Variants in STX12 observed in about 807,000 individuals in gnomAD.
STX12 encodes the protein syntaxin 12, also known as syntaxin-12.
A neutral mutation model predicts 42.2 loss-of-function variants in STX12; 17 were observed. The observed-to-expected ratio is 0.40, with a 90% CI of 0.28 to 0.60. The LOEUF (loss-of-function observed/expected upper bound fraction) is 0.60, where lower values mean the gene tolerates loss of function less well. STX12 is among the 20% of genes least tolerant of loss of function. STX12 has a pLI of 0.39. For synonymous variants in STX12, 108 were observed against 116.7 expected, an observed-to-expected ratio of 0.93 and a Z score of 0.48; for missense variants, 297 against 330.9, an observed-to-expected ratio of 0.90 and a Z score of 0.79.
chr1:27,775,782 A>G (rs1471484184), intron 1 of STX12, among the ~76,000 whole-genome samples: 3 of 152,186 alleles, frequency 2.0e-5, no homozygotes, highest in African/African-American at 4.8e-5. Context: ...TGGAAAGAGG[A>G]TGGAAAGATT....
At chr1:27,795,406 A>G (rs990497654) in intron 3 of STX12, among the ~76,000 whole-genome samples, 3 of 151,900 alleles carry the variant, frequency 2.0e-5, no homozygotes, top group Non-Finnish European at 4.4e-5. Context: ...CCCAGGTTCA[A>G]GCGATTCTCC....
chr1:27,811,956 A>T (rs1177595198), intron 5 of STX12: 1 of 641,072 alleles, frequency 1.6e-6, no homozygotes, highest in Admixed American at 2.1e-5. Context: ...AGCTTTGCCC[A>T]TGGAAGCTGA....
At chr1:27,778,699 GAAA>G (rs374294160) in intron 1 of STX12, among the ~76,000 whole-genome samples, 2 of 119,778 alleles carry the variant, frequency 1.7e-5, no homozygotes, top group Non-Finnish European at 1.8e-5. Flanking sequence ...TCCATCTCAG[GAAA>G]AAAAAAAAAA....
At chr1:27,786,131 A>G (rs1451898862) in intron 1 of STX12, among the ~76,000 whole-genome samples, 1 of 152,140 alleles carries the variant, frequency 6.6e-6, no homozygotes, top group African/African-American at 2.4e-5. Flanking sequence ...TTCCCACTTC[A>G]TTAAAATTCA....
Position 27,781,328 on chromosome 1 carries a change from G to A in STX12, c.118+7903G>A, listed in dbSNP as rs147203582. On this transcript the variant is annotated intron_variant, in intron 1 of 8. Transcript: ENST00000373943. ...CAAAGTGCTGGGATTATAGGTGTGAGCCACCACGACCAGCCCCAGTGGTGA... is the reference window on the plus strand; with the variant it reads ...CAAAGTGCTGGGATTATAGGTGTGAACCACCACGACCAGCCCCAGTGGTGA... Among the ~76,000 whole-genome samples the A allele has an allele frequency of 5.1e-3, 775 of 152,200 alleles. 3 individuals are homozygous for A. The highest frequency in any genetic ancestry group is 6.8e-3 in the Middle Eastern group (2 of 292).
Position 27,823,689 on chromosome 1 carries a change from G to T in STX12, c.*1360G>T, listed in dbSNP as rs1216469582. 1 of 152,662 alleles carries T rather than the reference G, an allele frequency of 6.6e-6. No homozygotes were observed. Among genetic ancestry groups the T allele is most frequent in the Non-Finnish European group, 1.5e-5 (1 of 68,040 alleles). 9.5% of individuals were successfully genotyped at this position (152,662 alleles called of 1,614,324 possible). On this transcript the variant is annotated 3_prime_UTR_variant, in exon 9 of 9. Transcript: ENST00000373943. Reference sequence around the variant, plus strand: ...CTTCTAAACTAAACTAATGTGAACAGTAGGGAAGCAAGGGCCCAAATGCAT... The same window carrying T: ...CTTCTAAACTAAACTAATGTGAACATTAGGGAAGCAAGGGCCCAAATGCAT...
At chr1:27,780,932 C>G (rs1421780889) in intron 1 of STX12, among the ~76,000 whole-genome samples, 1 of 151,290 alleles carries the variant, frequency 6.6e-6, no homozygotes, top group Non-Finnish European at 1.5e-5. Context: ...GCACTCCAGT[C>G]TGGGTGACAG....
chr1:27,784,656 A>G (rs553428855), intron 1 of STX12, among the ~76,000 whole-genome samples: 3 of 152,322 alleles, frequency 2.0e-5, no homozygotes, highest in South Asian at 4.1e-4. Flanking sequence ...TTGAGTTACT[A>G]GTTTTGAACA....
At position 27,773,285 on chromosome 1, in the gene STX12, C is replaced by T. The variant is rs1285019104; in HGVS notation, c.-23C>T. Reference sequence around the variant, plus strand: ...CTTCCGGTAGGAGAGCGGTGTAGAGCGAGCAGGTCTCAGCTCCTCGTCATG... The same window carrying T: ...CTTCCGGTAGGAGAGCGGTGTAGAGTGAGCAGGTCTCAGCTCCTCGTCATG... On this transcript the variant is annotated 5_prime_UTR_variant, in exon 1 of 9. Transcript: ENST00000373943. The T allele has an allele frequency of 2.7e-6, 4 of 1,508,248 alleles. No homozygotes were observed. Among genetic ancestry groups the T allele is most frequent in the Admixed American group, 3.6e-5 (2 of 55,788 alleles). The allele number at this position is 1,508,248 out of a possible 1,614,324, so 93.4% of individuals were successfully genotyped here. A position where few individuals can be genotyped will look rare whatever the true frequency, so the allele number is the denominator to read the frequency against.
intron 3 of STX12, among the ~76,000 whole-genome samples, chr1:27,801,264 A>T (rs1013690409): frequency 7.2e-5 from 11 of 152,058 alleles, no homozygotes; most frequent in African/African-American, 2.4e-4. Flanking sequence ...TTAGCCAGGT[A>T]TGGTGGTGGG....
At chr1:27,779,486 C>G (rs374183109) in intron 1 of STX12, among the ~76,000 whole-genome samples, 14 of 151,540 alleles carry the variant, frequency 9.2e-5, no homozygotes, top group African/African-American at 3.4e-4. Context: ...GGACCTGCCA[C>G]CACGCCCAGC....
chr1:27,817,758 C>T, intron 6 of STX12, 93 bp from the exon 7 acceptor site: 2 of 1,053,292 alleles, frequency 1.9e-6, no homozygotes, highest in Non-Finnish European at 2.9e-6. Flanking sequence ...CTTAAAAACA[C>T]ACGTGTTAAT....
At chr1:27,813,094 G>T (rs1268193228) in intron 6 of STX12, among the ~76,000 whole-genome samples, 1 of 152,134 alleles carries the variant, frequency 6.6e-6, no homozygotes, top group African/African-American at 2.4e-5. Context: ...TTTTTGAGGT[G>T]GAGGTTGAGG....
At chr1:27,811,457 A>G (rs2088903403) in intron 5 of STX12, among the ~76,000 whole-genome samples, 2 of 152,130 alleles carry the variant, frequency 1.3e-5, no homozygotes, top group Non-Finnish European at 2.9e-5. Context: ...AATTTTTTAA[A>G]AAGTGTTATA....
At position 27,801,399 on chromosome 1, in the gene STX12, G is replaced by A. The variant is rs184926297; in HGVS notation, c.289-279G>A. Among the ~76,000 whole-genome samples, 271 of 149,724 alleles carry A rather than the reference G, an allele frequency of 1.8e-3. 2 individuals are homozygous for A. Among genetic ancestry groups the A allele is most frequent in the African/African-American group, 6.5e-3 (265 of 40,580 alleles). ...AGCCTGGGCGACAGAGCAAGACTCC[G>A]TCTCAATAAAAAGAAAAAAAAAAAA... On this transcript the variant is annotated intron_variant, in intron 3 of 8. Transcript: ENST00000373943.
At chr1:27,814,384 C>A (rs1002445114) in intron 6 of STX12, among the ~76,000 whole-genome samples, 1 of 151,196 alleles carries the variant, frequency 6.6e-6, no homozygotes, top group African/African-American at 2.4e-5. Flanking sequence ...AAAAAATTAA[C>A]CGGGTGCTGT....
rs189457164 is a variant in STX12, at chr1:27,824,038, G to A, written c.*1709G>A. ...GAGCCCAAGAGTTCAAGATCAGCCT[G>A]GGCAGTATAGCAAGACCCCATCTCC... On this transcript the variant is annotated 3_prime_UTR_variant, in exon 9 of 9. Transcript: ENST00000373943. 9.9e-5 allele frequency: 15 copies of A among 152,084 alleles called. No individual in the cohort carries two copies. Among genetic ancestry groups the A allele is most frequent in the African/African-American group, 3.4e-4 (14 of 41,472 alleles). 9.4% of individuals were successfully genotyped at this position (152,084 alleles called of 1,614,324 possible).
chr1:27,773,474 C>A, intron 1 of STX12, 49 bp downstream of exon 1: 2 of 1,561,698 alleles, frequency 1.3e-6, no homozygotes, highest in Non-Finnish European at 1.8e-6. Context: ...CGGGGACAGG[C>A]CTGGGTGAGG....
At chr1:27,797,584 CT>C (rs2088795912) in intron 3 of STX12, among the ~76,000 whole-genome samples, 1 of 152,134 alleles carries the variant, frequency 6.6e-6, no homozygotes, top group South Asian at 2.1e-4. Flanking sequence ...GAGTCACCTG[CT>C]TTTATGACCT....
Sources: gnomAD v4.1 joint callset for allele counts (sites outside exome capture counted in the v4.1 genomes callset) on GRCh38, gnomAD v4.1.1 for gene constraint, MANE v1.5 for transcripts, NCBI Gene and HGNC (gene_info 2026-07-23, HGNC 2026-07-21) for gene names.